The following DOCK3 variants were observed in gnomAD, a reference collection of about 807,000 sequenced individuals.
DOCK3 encodes the protein dedicator of cytokinesis 3, also known as dedicator of cytokinesis protein 3.
DOCK3 carries 60 observed loss-of-function variants against 265.6 expected under a neutral mutation model. The observed-to-expected ratio is 0.23, with a 90% CI of 0.18 to 0.28. The LOEUF (loss-of-function observed/expected upper bound fraction) is 0.28. Ranked by LOEUF, DOCK3 falls within the 10% of genes least tolerant of loss-of-function variation. The probability of loss-of-function intolerance (pLI) is 1.00; values close to 1 mark genes in which losing one functional copy is unlikely to be tolerated. For missense variants in DOCK3, 1,981 were observed against 2,594.3 expected, an observed-to-expected ratio of 0.76 and a Z score of 5.14; for synonymous variants, 881 against 938.0, an observed-to-expected ratio of 0.94 and a Z score of 1.11.
chr3:51,339,773 G>T (rs890986740), intron 37 of DOCK3, among the ~76,000 whole-genome samples: 18 of 152,152 alleles, frequency 1.2e-4, no homozygotes, highest in African/African-American at 4.1e-4. Flanking sequence ...TTTCTCCACT[G>T]TGGTGACCAG....
intron 9 of DOCK3, among the ~76,000 whole-genome samples, chr3:51,112,102 C>G (rs1560077644): frequency 6.6e-6 from 1 of 152,134 alleles, no homozygotes; most frequent in East Asian, 1.9e-4. Flanking sequence ...CACTTATACA[C>G]TGTTGGTGGG....
intron 51 of DOCK3, 56 bp downstream of exon 51, chr3:51,375,891 C>T (rs1449458546): frequency 4.9e-5 from 77 of 1,585,688 alleles, no homozygotes; most frequent in Non-Finnish European, 2.0e-5. Flanking sequence ...GAGTGTCTGA[C>T]TCTTGTCCCT....
At chr3:50,850,770 T>A (rs1344552203) in intron 3 of DOCK3, among the ~76,000 whole-genome samples, 2 of 152,184 alleles carry the variant, frequency 1.3e-5, no homozygotes, top group Admixed American at 1.3e-4. Context: ...GCTTCTGTAG[T>A]CCTATGCACA....
chr3:51,210,009 A>G (rs1429896076), intron 13 of DOCK3, among the ~76,000 whole-genome samples: 1 of 152,228 alleles, frequency 6.6e-6, no homozygotes, highest in East Asian at 1.9e-4. Flanking sequence ...AATATAGGAA[A>G]GTTACTAGCA....
At chr3:51,364,143 CA>C (rs1184898350) in intron 49 of DOCK3, among the ~76,000 whole-genome samples, 5 of 152,232 alleles carry the variant, frequency 3.3e-5, no homozygotes, top group Admixed American at 3.3e-4. Context: ...TCCTCTCCAG[CA>C]CCTGTTGTTT....
intron 4 of DOCK3, among the ~76,000 whole-genome samples, chr3:50,913,804 T>A (rs2049982842): frequency 6.6e-6 from 1 of 152,220 alleles, no homozygotes; most frequent in Non-Finnish European, 1.5e-5. Flanking sequence ...TCTGTACTAC[T>A]GCTGGGGGAT....
intron 1 of DOCK3, among the ~76,000 whole-genome samples, chr3:50,695,041 C>A (rs543338423): frequency 1.8e-4 from 28 of 152,174 alleles, no homozygotes; most frequent in African/African-American, 6.7e-4. Context: ...TTTTTATTTG[C>A]CTTTGATAAC....
At position 50,777,329 on chromosome 3, in the gene DOCK3, C is replaced by T. The variant is rs181510264; in HGVS notation, c.38-1346C>T. Among the ~76,000 whole-genome samples the T allele has an allele frequency of 2.2e-4, 34 of 152,160 alleles. No individual in the cohort carries two copies. The East Asian group carries it at 5.8e-3, about 26-fold the overall frequency. On this transcript the variant is annotated intron_variant, in intron 1 of 52. Coordinates refer to ENST00000266037, the MANE Select transcript of DOCK3 (RefSeq NM_004947.5). ...TTCCAGTATCATGCTGTTTTGGTAA[C>T]TATAGCCCTGTAGTATAATTCAAAG... is the stretch of plus-strand genomic sequence containing the variant.
intron 5 of DOCK3, among the ~76,000 whole-genome samples, chr3:51,000,028 C>A (rs1327198525): frequency 3.3e-5 from 5 of 152,130 alleles, no homozygotes; most frequent in Admixed American, 2.6e-4. Flanking sequence ...TAGGGATCAG[C>A]CCAAAGTGAA....
rs59563413 is a variant in DOCK3 at position 51,374,150 on chromosome 3, T to G, written c.5294-319T>G. ...GCCACACCCATTTCCTGATAGTGCT[T>G]GATGCAGGGAGCCCCTAGCCACCCT... On this transcript the variant is annotated intron_variant, in intron 49 of 52. Transcript: ENST00000266037. The surrounding 1 kb of genome is among the most constrained non-coding windows in gnomAD (Gnocchi z 4.8). Among the ~76,000 whole-genome samples, 17,157 of 152,170 alleles carry G rather than the reference T, an allele frequency of 0.11. 1,929 individuals are homozygous for G. Among genetic ancestry groups the G allele is most frequent in the East Asian group, 0.33 (1,717 of 5,170 alleles).
chr3:51,019,531 G>A (rs143566105), intron 5 of DOCK3, among the ~76,000 whole-genome samples: 6 of 151,666 alleles, frequency 4.0e-5, no homozygotes, highest in South Asian at 2.1e-4. Flanking sequence ...TTACATAAAC[G>A]TGTGCTGTGG....
chr3:51,229,710 C>T, intron 19 of DOCK3, 101 bp downstream of exon 19: 1 of 845,120 alleles, frequency 1.2e-6, no homozygotes, highest in Non-Finnish European at 1.7e-6. Context: ...GAGACTGTTT[C>T]ATCAGATTTT....
intron 12 of DOCK3, among the ~76,000 whole-genome samples, chr3:51,191,229 A>G (rs2087927555): frequency 6.6e-6 from 1 of 152,086 alleles, no homozygotes; most frequent in African/African-American, 2.4e-5. Context: ...ACTCCTAGCT[A>G]CAGCACACTT....
At chr3:51,051,820 G>A (rs1344982448) in intron 5 of DOCK3, among the ~76,000 whole-genome samples, 1 of 152,094 alleles carries the variant, frequency 6.6e-6, no homozygotes, top group Non-Finnish European at 1.5e-5. Flanking sequence ...CTCATGTCAG[G>A]AGGCAAAATG....
At chr3:51,356,312 C>G in intron 42 of DOCK3, 57 bp downstream of exon 42, 1 of 1,612,174 alleles carries the variant, frequency 6.2e-7, no homozygotes. Context: ...GCAAGCTCAA[C>G]TTCCTTGGGA....
chr3:51,054,637 AT>A (rs1326527851), intron 5 of DOCK3, among the ~76,000 whole-genome samples: 1 of 151,972 alleles, frequency 6.6e-6, no homozygotes, highest in African/African-American at 2.4e-5. Context: ...ATTTTCTTAC[AT>A]TTTGTCTCCC....
At chr3:50,908,683 T>G (rs1398257013) in intron 4 of DOCK3, among the ~76,000 whole-genome samples, 1 of 152,156 alleles carries the variant, frequency 6.6e-6, no homozygotes, top group African/African-American at 2.4e-5. Context: ...ATCAGAAGAA[T>G]GTATATCCTG....
chr3:51,234,769 G>A (rs1221198259), intron 19 of DOCK3, among the ~76,000 whole-genome samples: 1 of 152,052 alleles, frequency 6.6e-6, no homozygotes, highest in East Asian at 1.9e-4. Context: ...AATGGCTTTA[G>A]CAGGCTGACA....
chr3:51,071,565 A>T (rs1575968176), intron 6 of DOCK3, among the ~76,000 whole-genome samples: 1 of 152,222 alleles, frequency 6.6e-6, no homozygotes, highest in Admixed American at 6.5e-5. Context: ...TTAAAATAAC[A>T]GTAGCAATTT....
Sources: gnomAD v4.1 joint callset for allele counts (sites outside exome capture counted in the v4.1 genomes callset) on GRCh38, gnomAD v4.1.1 for gene constraint, Gnocchi (gnomAD v3.1) non-coding constraint, MANE v1.5 for transcripts, NCBI Gene and HGNC (gene_info 2026-07-23, HGNC 2026-07-21) for gene names.